Variants in RFWD3 observed in about 807,000 individuals in gnomAD.
The protein encoded by RFWD3 is E3 ubiquitin-protein ligase RFWD3.
In RFWD3, 65 loss-of-function variants were observed where a neutral mutation model predicts 87.7. The ratio of observed to expected loss-of-function variants is 0.74; its 90% confidence interval spans 0.61 to 0.91. RFWD3 has a LOEUF of 0.91. Ranked by LOEUF, RFWD3 falls within the 40% of genes least tolerant of loss-of-function variation. The probability of loss-of-function intolerance (pLI) is 0.00; values close to 1 mark genes in which losing one functional copy is unlikely to be tolerated. For synonymous variants in RFWD3, 433 were observed against 352.8 expected (o/e 1.23, Z -2.55); for missense variants, 1,078 against 938.5 (o/e 1.15, Z -1.94).
chr16:74,653,798 T>C (rs1474814617), intron 2 of RFWD3, among the ~76,000 whole-genome samples: 3 of 152,242 alleles, frequency 2.0e-5, no homozygotes, highest in South Asian at 4.1e-4. Context: ...TTATTCCTAA[T>C]AGTTTGGCTG....
intron 4 of RFWD3, among the ~76,000 whole-genome samples, chr16:74,647,717 G>A (rs1320985466): frequency 6.6e-6 from 1 of 152,108 alleles, no homozygotes; most frequent in Non-Finnish European, 1.5e-5. Flanking sequence ...TCAGCCTCCT[G>A]AGTAGCTGGG....
At chr16:74,659,747 T>C (rs990767453) in intron 2 of RFWD3, among the ~76,000 whole-genome samples, 2 of 152,230 alleles carry the variant, frequency 1.3e-5, no homozygotes, top group Non-Finnish European at 1.5e-5. Flanking sequence ...TGAAAAAGAA[T>C]GCTGAATCCA....
chr16:74,664,947 G>A (rs1040268319), intron 1 of RFWD3, among the ~76,000 whole-genome samples: 2 of 152,142 alleles, frequency 1.3e-5, no homozygotes, highest in African/African-American at 4.8e-5. Flanking sequence ...AGTCGGAGGT[G>A]CCTAGAACGA....
intron 11 of RFWD3, among the ~76,000 whole-genome samples, chr16:74,627,776 T>G (rs753106420): frequency 6.6e-5 from 10 of 152,140 alleles, no homozygotes; most frequent in Non-Finnish European, 1.5e-4. Flanking sequence ...AAAGGCAAAC[T>G]ATGAACACCC....
rs186517643 is a variant in RFWD3, at chr16:74,636,240, G to T, written c.1426+106C>A. 2.5e-3 allele frequency: 2,423 copies of T among 980,440 alleles called. 6 individuals carry two copies. Among genetic ancestry groups the T allele is most frequent in the Non-Finnish European group, 3.4e-3 (2,202 of 642,414 alleles). The allele number at this position is 980,440 out of a possible 1,614,324, so 60.7% of individuals were successfully genotyped here. A position where few individuals can be genotyped will look rare whatever the true frequency, so the allele number is the denominator to read the frequency against. ...CTTGCATTAACAAGGAACTAATAGG[G>T]AAAGGTGATTTGGTAACCTTTGAGT... On this transcript the variant is annotated intron_variant, in intron 8 of 12. Transcript: ENST00000361070.
intron 11 of RFWD3, among the ~76,000 whole-genome samples, chr16:74,626,810 A>G (rs967602878): frequency 4.8e-5 from 2 of 41,238 alleles, no homozygotes; most frequent in African/African-American, 2.1e-4. Flanking sequence ...TGCTTAAGAG[A>G]AAAACAATTC....
Position 74,661,288 on chromosome 16 carries a change from C to G in RFWD3, c.162G>C (p.Gln54His). Reference sequence around the variant, plus strand: ...TGCTGATCACCTCAGCAGGAGCTGGCTGGAGGATGGATGGTACCCCCTGGC... The same window carrying G: ...TGCTGATCACCTCAGCAGGAGCTGGGTGGAGGATGGATGGTACCCCCTGGC... ...VSSQGVPSILQPAPAEVISSQ... is the reference protein window; with the variant it reads ...VSSQGVPSILHPAPAEVISSQ... Residue 54 changes from glutamine to histidine, a missense_variant, in exon 2 of 13, where the codon CAG becomes CAC. Gln to His is a conservative substitution (Grantham distance 24, BLOSUM62 0). Transcript: ENST00000361070. 6.2e-7 allele frequency: 1 copy of G among 1,614,100 alleles called. No homozygotes were observed. Among genetic ancestry groups the G allele is most frequent in the Non-Finnish European group, 8.5e-7 (1 of 1,180,020 alleles).
chr16:74,635,126 A>G (rs1959183392), intron 8 of RFWD3, among the ~76,000 whole-genome samples: 1 of 151,896 alleles, frequency 6.6e-6, no homozygotes, highest in Non-Finnish European at 1.5e-5. Flanking sequence ...TAAAAATACA[A>G]AAAATTAGCT....
intron 6 of RFWD3, among the ~76,000 whole-genome samples, chr16:74,638,910 G>C (rs899918950): frequency 2.6e-5 from 4 of 152,012 alleles, no homozygotes; most frequent in Admixed American, 2.0e-4. Context: ...ACACACCTAA[G>C]CTATATACTG....
chr16:74,664,860 A>C (rs909163018), intron 1 of RFWD3: 3 of 152,268 alleles, frequency 2.0e-5, no homozygotes, highest in African/African-American at 7.2e-5. Context: ...GCAGAAATAC[A>C]GAACACTTTT....
At chr16:74,628,314 T>C (rs971921554) in intron 11 of RFWD3, 138 bp downstream of exon 11, 17 of 736,870 alleles carry the variant, frequency 2.3e-5, no homozygotes, top group Non-Finnish European at 3.6e-5. Flanking sequence ...ATACTCCCTG[T>C]AGTAGCAAGA....
At chr16:74,665,053 C>T (rs1410260776) in intron 1 of RFWD3, among the ~76,000 whole-genome samples, 2 of 152,180 alleles carry the variant, frequency 1.3e-5, no homozygotes, top group Admixed American at 1.3e-4. Context: ...CAACCTCAGA[C>T]TTGTCATCTT....
intron 4 of RFWD3, among the ~76,000 whole-genome samples, chr16:74,647,948 T>C (rs1241772142): frequency 1.3e-5 from 2 of 152,056 alleles, no homozygotes; most frequent in Admixed American, 1.3e-4. Context: ...CTGATTTTTT[T>C]TTAATTTTAA....
At chr16:74,637,625 T>C (rs1428579204) in intron 7 of RFWD3, among the ~76,000 whole-genome samples, 1 of 152,120 alleles carries the variant, frequency 6.6e-6, no homozygotes, top group Non-Finnish European at 1.5e-5. Context: ...AGAGTGAGAC[T>C]CTGCCTCAAA....
intron 8 of RFWD3, 63 bp from the exon 9 acceptor site, chr16:74,632,736 G>C (rs4072450): frequency 0.67 from 1,004,463 of 1,499,962 alleles, 339,176 homozygotes; most frequent in African/African-American, 0.85. Flanking sequence ...ATTCAAACTA[G>C]TTTTTCAAGT....
chr16:74,660,609 C>A, intron 2 of RFWD3: 1 of 238,908 alleles, frequency 4.2e-6, no homozygotes, highest in Non-Finnish European at 8.1e-6. Flanking sequence ...AGGTGGAATG[C>A]CAGTGAATAA....
chr16:74,647,320 G>A (rs1019776133), intron 4 of RFWD3, among the ~76,000 whole-genome samples: 1 of 151,836 alleles, frequency 6.6e-6, no homozygotes, highest in African/African-American at 2.4e-5. Flanking sequence ...TGGAGTCTTG[G>A]TCTGTTACCC....
At chr16:74,641,298 G>T (rs1959622662) in intron 6 of RFWD3, among the ~76,000 whole-genome samples, 1 of 152,146 alleles carries the variant, frequency 6.6e-6, no homozygotes, top group South Asian at 2.1e-4. Flanking sequence ...GAGTAGCTGG[G>T]ACTACAGGTG....
In RFWD3 at chr16:74,661,247, G is replaced by A. The variant is rs774944352; in HGVS notation, c.203C>T (p.Pro68Leu). Reference sequence around the variant, plus strand: ...CAGTTGCGGAGCAGGCTGGAGCAGGGGTGGTGTCGCTTGGCTGCTGATCAC... The same window carrying A: ...CAGTTGCGGAGCAGGCTGGAGCAGGAGTGGTGTCGCTTGGCTGCTGATCAC... ...AEVISSQATP[P>L]LLQPAPQLSV... The change falls in exon 2 of 13, where the codon CCC becomes CTC. Residue 68 changes from proline to leucine, a missense_variant. Coordinates refer to ENST00000361070, the MANE Select transcript of RFWD3 (RefSeq NM_018124.4). The A allele has an allele frequency of 6.2e-7, 1 of 1,614,174 alleles. No individual in the cohort carries two copies. The highest frequency in any genetic ancestry group is 8.5e-7 in the Non-Finnish European group (1 of 1,180,030).
Sources: allele counts gnomAD v4.1 joint callset (sites outside exome capture counted in the v4.1 genomes callset), GRCh38; gene constraint gnomAD v4.1.1; transcripts MANE v1.5; gene names NCBI Gene and HGNC (gene_info 2026-07-23, HGNC 2026-07-21).